Variants in NFIB observed in about 807,000 individuals in gnomAD.
NFIB encodes the protein nuclear factor I B.
A neutral mutation model predicts 61.5 loss-of-function variants in NFIB; 11 were observed. That is an observed-to-expected ratio of 0.18 (90% CI 0.11 to 0.30). The LOEUF (loss-of-function observed/expected upper bound fraction) is 0.30, where lower values mean the gene tolerates loss of function less well. Ranked by LOEUF, NFIB falls within the 10% of genes least tolerant of loss-of-function variation. The probability of loss-of-function intolerance (pLI) is 1.00; values close to 1 mark genes in which losing one functional copy is unlikely to be tolerated. For synonymous variants in NFIB, 260 were observed against 216.5 expected (o/e 1.20, Z -1.76); for missense variants, 471 against 608.9 (o/e 0.77, Z 2.38).
chr9:14,516,729 C>T, the NFIB span, among the ~76,000 whole-genome samples: 1 of 152,182 alleles, frequency 6.6e-6, no homozygotes, highest in Non-Finnish European at 1.5e-5. Flanking sequence ...TCAAGCCAAA[C>T]AGGATTTTCA....
chr9:14,293,935 A>T (rs1171559670), intron 2 of NFIB, among the ~76,000 whole-genome samples: 1 of 152,220 alleles, frequency 6.6e-6, no homozygotes, highest in Non-Finnish European at 1.5e-5. Context: ...TGAATTCCGT[A>T]TTTTATCAGT....
At chr9:14,321,993 C>A (rs997427794) in intron 1 of NFIB, 5 of 1,230,052 alleles carry the variant, frequency 4.1e-6, no homozygotes. Flanking sequence ...TAACAGAACC[C>A]TGGGCCGCTG....
the NFIB span, among the ~76,000 whole-genome samples, chr9:14,511,647 A>C: frequency 0.55 from 84,067 of 151,872 alleles, 23,762 homozygotes; most frequent in Non-Finnish European, 0.62. Context: ...GAACCCACAC[A>C]CTATGACTGG....
chr9:14,243,788 A>G (rs1368222809), intron 2 of NFIB, among the ~76,000 whole-genome samples: 2 of 152,206 alleles, frequency 1.3e-5, no homozygotes, highest in African/African-American at 4.8e-5. Flanking sequence ...AGGAAACCCT[A>G]AGCTGCATGA....
At chr9:14,414,511 A>ATTT in the NFIB span, among the ~76,000 whole-genome samples, 2 of 120,024 alleles carry the variant, frequency 1.7e-5, no homozygotes, top group South Asian at 2.8e-4. Flanking sequence ...CACGTTTTGT[A>ATTT]TTTTTTTTTT....
intron 6 of NFIB, among the ~76,000 whole-genome samples, chr9:14,140,102 AAT>A (rs1164386958): frequency 6.6e-6 from 1 of 152,166 alleles, no homozygotes; most frequent in African/African-American, 2.4e-5. Context: ...TTGGTATTTG[AAT>A]ATTTGCCATT....
At chr9:14,285,579 C>T (rs1405241848) in intron 2 of NFIB, among the ~76,000 whole-genome samples, 2 of 152,124 alleles carry the variant, frequency 1.3e-5, no homozygotes, top group Non-Finnish European at 2.9e-5. Context: ...AGAAGTCCAG[C>T]GATAACTGCA....
intron 2 of NFIB, among the ~76,000 whole-genome samples, chr9:14,185,566 C>T (rs906142893): frequency 3.3e-5 from 5 of 152,068 alleles, no homozygotes; most frequent in African/African-American, 7.2e-5. Flanking sequence ...CAATATGACA[C>T]GAAGTCTATT....
chr9:14,099,109 GA>G (rs2035330496), intron 10 of NFIB, among the ~76,000 whole-genome samples: 1 of 152,168 alleles, frequency 6.6e-6, no homozygotes, highest in Non-Finnish European at 1.5e-5. Flanking sequence ...ATGGAAAAGT[GA>G]TTGTACAAAG....
At chr9:14,521,208 T>C in the NFIB span, among the ~76,000 whole-genome samples, 14 of 152,362 alleles carry the variant, frequency 9.2e-5, no homozygotes, top group African/African-American at 3.4e-4. Context: ...GCAGGAACTA[T>C]TTTTTAATAT....
At chr9:14,219,143 C>T (rs551252756) in intron 2 of NFIB, among the ~76,000 whole-genome samples, 7 of 152,180 alleles carry the variant, frequency 4.6e-5, no homozygotes, top group African/African-American at 1.7e-4. Context: ...AAATGCTGCA[C>T]CTTATGAAGT....
At chr9:14,259,052 C>T (rs2056495733) in intron 2 of NFIB, among the ~76,000 whole-genome samples, 1 of 152,086 alleles carries the variant, frequency 6.6e-6, no homozygotes, top group Non-Finnish European at 1.5e-5. Flanking sequence ...TGTGGTTTTG[C>T]CTTAGGACAA....
At chr9:14,438,688 C>G in the NFIB span, among the ~76,000 whole-genome samples, 1 of 152,164 alleles carries the variant, frequency 6.6e-6, no homozygotes, top group African/African-American at 2.4e-5. Flanking sequence ...ACACAGCCCC[C>G]TGGAATACAC....
chr9:14,481,920 T>A, the NFIB span, among the ~76,000 whole-genome samples: 9 of 152,222 alleles, frequency 5.9e-5, no homozygotes, highest in Admixed American at 5.9e-4. Context: ...ATTCCCTGCA[T>A]TGGCACCATT....
At chr9:14,305,959 G>A in intron 2 of NFIB, 1 of 1,347,682 alleles carries the variant, frequency 7.4e-7, no homozygotes, top group Non-Finnish European at 9.7e-7. Context: ...ACTATGGATT[G>A]TTGGTAATGC....
At chr9:14,370,954 G>A (rs990181626) in intron 1 of NFIB, among the ~76,000 whole-genome samples, 3 of 152,160 alleles carry the variant, frequency 2.0e-5, no homozygotes, top group Non-Finnish European at 4.4e-5. Flanking sequence ...AATTAGCCGG[G>A]CATGATGGTG....
chr9:14,272,959 TC>T (rs1261909711), intron 2 of NFIB, among the ~76,000 whole-genome samples: 2 of 152,184 alleles, frequency 1.3e-5, no homozygotes, highest in East Asian at 3.9e-4. Context: ...ACAATGGCAA[TC>T]CCGACAGTCT....
At chr9:14,204,856 C>A in intron 2 of NFIB, 1 of 435,176 alleles carries the variant, frequency 2.3e-6, no homozygotes, top group Non-Finnish European at 4.3e-6. Context: ...CTGCTGCCTT[C>A]ATACAGGTTA....
Position 14,314,043 on chromosome 9 carries a change from GC to G in NFIB, c.-533del, listed in dbSNP as rs2060421232. ...CGCGCTGGGAAAGTTCAAGGTTACA[GC>G]CCCAAGCACTGCGGCAGGATCCCGG... On this transcript the variant is annotated 5_prime_UTR_variant, in exon 1 of 11. An upstream open reading frame in the 5' UTR loses its in-frame stop. Transcript: ENST00000380953. 8.4e-6 allele frequency: 9 copies of G among 1,068,330 alleles called. No individual in the cohort carries two copies. In the South Asian group the frequency reaches 3.6e-4, roughly 42 times the overall value. 66.2% of individuals were successfully genotyped at this position (1,068,330 alleles called of 1,614,324 possible).
Sources: gnomAD v4.1 joint callset for allele counts (sites outside exome capture counted in the v4.1 genomes callset) on GRCh38, gnomAD v4.1.1 for gene constraint, MANE v1.5 for transcripts, NCBI Gene and HGNC (gene_info 2026-07-23, HGNC 2026-07-21) for gene names.